DOCK10: variants seen among roughly 807,000 people sequenced by gnomAD.
The protein encoded by DOCK10 is dedicator of cytokinesis 10, also known as dedicator of cytokinesis protein 10.
In DOCK10, 145 loss-of-function variants were observed where a neutral mutation model predicts 280.1. That is an observed-to-expected ratio of 0.52 (90% CI 0.45 to 0.59). The LOEUF is 0.59. Ranked by LOEUF, DOCK10 falls within the 20% of genes least tolerant of loss-of-function variation. The pLI is 0.00. For missense variants in DOCK10, 2,368 were observed against 2,651.7 expected (o/e 0.89, Z 2.35); for synonymous variants, 915 against 942.2 (o/e 0.97, Z 0.53).
chr2:225,039,436 G>A (rs1690354758), intron 1 of DOCK10, among the ~76,000 whole-genome samples: 1 of 152,190 alleles, frequency 6.6e-6, no homozygotes, highest in South Asian at 2.1e-4. Context: ...CTTTTGAAAT[G>A]TATGTTTTTG....
chr2:224,780,378 A>G (rs1691238182), intron 50 of DOCK10, among the ~76,000 whole-genome samples: 1 of 152,190 alleles, frequency 6.6e-6, no homozygotes, highest in Non-Finnish European at 1.5e-5. Context: ...ACATCAGAGA[A>G]ATAAGGCTTC....
chr2:224,767,662 C>A (rs1205017384), intron 55 of DOCK10, among the ~76,000 whole-genome samples: 1 of 152,162 alleles, frequency 6.6e-6, no homozygotes, highest in Non-Finnish European at 1.5e-5. Context: ...CAACCCCCTT[C>A]TTTTCTCCCT....
intron 48 of DOCK10, among the ~76,000 whole-genome samples, chr2:224,788,262 C>A (rs1382130395): frequency 6.6e-6 from 1 of 151,902 alleles, no homozygotes; most frequent in East Asian, 1.9e-4. Flanking sequence ...CAGCCCTTAC[C>A]TCAATTCCTT....
Position 224,826,858 on chromosome 2 carries a change from G to T in DOCK10, c.3037-3211C>A, listed in dbSNP as rs369782092. ...CATGCCTGTAGTCCCAGCTACTAGG[G>T]ATGCTGAGGTGAGAGAATCACCTAA... is the stretch of plus-strand genomic sequence containing the variant. On this transcript the variant is annotated intron_variant, in intron 27 of 55. Coordinates refer to ENST00000258390, the MANE Select transcript of DOCK10 (RefSeq NM_014689.3). Among the ~76,000 whole-genome samples the T allele has an allele frequency of 7.8e-4, 118 of 152,132 alleles. 3 individuals carry two copies. In the South Asian group the frequency reaches 0.024, roughly 31 times the overall value.
rs369092608 is a variant in DOCK10, at chr2:224,786,975, A to G, written c.5655+47T>C. 7.2e-7 allele frequency: 1 copy of G among 1,380,676 alleles called. No homozygotes were observed. Among genetic ancestry groups the G allele is most frequent in the Non-Finnish European group, 1.0e-6 (1 of 967,064 alleles). 85.5% of individuals were successfully genotyped at this position (1,380,676 alleles called of 1,614,324 possible). A position where few individuals can be genotyped will look rare whatever the true frequency, so the allele number is the denominator to read the frequency against. ...TCATAAAGAATGAAAGACAACATTC[A>G]ACTGCTCAGCAGAATTTATGGGCCG... On this transcript the variant is annotated intron_variant, in intron 50 of 55. Coordinates refer to ENST00000258390, the MANE Select transcript of DOCK10 (RefSeq NM_014689.3). This position sits in a 1 kb window ranked among gnomAD's most constrained non-coding sequence, Gnocchi z 4.7.
At chr2:224,861,450 CTA>C (rs1472574933) in intron 14 of DOCK10, 1 of 152,252 alleles carries the variant, frequency 6.6e-6, no homozygotes, top group Non-Finnish European at 1.5e-5. Context: ...CCCTCCCTTG[CTA>C]TGACGCTGCC....
At chr2:224,873,045 G>A (rs900942370) in intron 11 of DOCK10, among the ~76,000 whole-genome samples, 7 of 152,080 alleles carry the variant, frequency 4.6e-5, no homozygotes, top group African/African-American at 1.4e-4. Flanking sequence ...GTACTAAGAC[G>A]AAGTTTTCAA....
intron 3 of DOCK10, among the ~76,000 whole-genome samples, chr2:224,904,191 C>A (rs1700461093): frequency 6.6e-6 from 1 of 152,052 alleles, no homozygotes; most frequent in African/African-American, 2.4e-5. Flanking sequence ...TTTTTAAAGT[C>A]ATTAAATAAA....
At position 224,826,626 on chromosome 2, in the gene DOCK10, C is replaced by T. The variant is rs76983213; in HGVS notation, c.3037-2979G>A. Among the ~76,000 whole-genome samples, 13 of 152,246 alleles carry T rather than the reference C, an allele frequency of 8.5e-5. No individual in the cohort carries two copies. The South Asian group carries it at 2.1e-3, about 24-fold the overall frequency. On this transcript the variant is annotated intron_variant, in intron 27 of 55. Transcript: ENST00000258390. ...TATCAGGGCTGGGTACAATGGCTCA[C>T]GCCTGTAATCCCAGTACTTTGGGAG...
chr2:224,925,946 T>C (rs1267954728), intron 2 of DOCK10, among the ~76,000 whole-genome samples: 1 of 152,242 alleles, frequency 6.6e-6, no homozygotes, highest in Non-Finnish European at 1.5e-5. Context: ...TTACTTTCTT[T>C]GCCACTTTAC....
At chr2:224,942,843 G>T (rs1290667094) in intron 1 of DOCK10, among the ~76,000 whole-genome samples, 1 of 151,694 alleles carries the variant, frequency 6.6e-6, no homozygotes, top group African/African-American at 2.4e-5. Context: ...TTGAAATCCT[G>T]CAGATTAATG....
At chr2:225,040,834 T>C (rs1335284775) in intron 1 of DOCK10, among the ~76,000 whole-genome samples, 1 of 152,204 alleles carries the variant, frequency 6.6e-6, no homozygotes. Context: ...ATCTCTACTT[T>C]TACTCGAATT....
At chr2:225,035,139 T>C (rs966511178) in intron 1 of DOCK10, among the ~76,000 whole-genome samples, 2 of 152,170 alleles carry the variant, frequency 1.3e-5, no homozygotes, top group Non-Finnish European at 2.9e-5. Context: ...AATTCTGCTC[T>C]CCAGACTCAC....
In DOCK10 at chr2:224,834,439, G is replaced by A. The variant is rs148863603; in HGVS notation, c.2851-176C>T. On this transcript the variant is annotated intron_variant, in intron 25 of 55. Transcript: ENST00000258390. The stretch of plus-strand genomic sequence containing the variant: ...CACACCTGTTCCTATTTAGGGCTTT[G>A]CAGAAGTAGGGCCTTGCTCACCTAA... Among the ~76,000 whole-genome samples, 112 of 152,266 alleles carry A rather than the reference G, an allele frequency of 7.4e-4. 1 individual carries two copies. In the East Asian group the frequency reaches 0.019, roughly 26 times the overall value.
intron 25 of DOCK10, among the ~76,000 whole-genome samples, chr2:224,837,452 A>G (rs1695663800): frequency 6.6e-6 from 1 of 152,230 alleles, no homozygotes; most frequent in South Asian, 2.1e-4. Flanking sequence ...TTAACACAGG[A>G]ATCTCATGTA....
At chr2:224,876,843 A>G (rs1026996385) in intron 7 of DOCK10, among the ~76,000 whole-genome samples, 1 of 152,060 alleles carries the variant, frequency 6.6e-6, no homozygotes, top group Non-Finnish European at 1.5e-5. Flanking sequence ...AATCCTGGCT[A>G]TGCCTCAGAC....
At chr2:224,977,214 G>A (rs939975801) in intron 1 of DOCK10, among the ~76,000 whole-genome samples, 3 of 152,098 alleles carry the variant, frequency 2.0e-5, no homozygotes, top group African/African-American at 4.8e-5. Context: ...AAATGTTATG[G>A]TTTCTACTAT....
chr2:224,801,757 C>G (rs1443302422), intron 40 of DOCK10, among the ~76,000 whole-genome samples, 159 bp downstream of exon 40: 2 of 152,088 alleles, frequency 1.3e-5, no homozygotes, highest in Admixed American at 1.3e-4. Flanking sequence ...TAGGGCACTA[C>G]ATTTTTTTTT....
At chr2:225,035,565 T>TA (rs1690219827) in intron 1 of DOCK10, among the ~76,000 whole-genome samples, 2 of 54,862 alleles carry the variant, frequency 3.6e-5, no homozygotes, top group Non-Finnish European at 9.3e-5. Flanking sequence ...TATATATATA[T>TA]ATATATATAT....
Sources: gnomAD v4.1 joint callset for allele counts (sites outside exome capture counted in the v4.1 genomes callset) on GRCh38, gnomAD v4.1.1 for gene constraint, Gnocchi (gnomAD v3.1) non-coding constraint, MANE v1.5 for transcripts, NCBI Gene and HGNC (gene_info 2026-07-23, HGNC 2026-07-21) for gene names.